DENND4A: variants seen among roughly 807,000 people sequenced by gnomAD.
The protein encoded by DENND4A is DENN domain containing 4A, also known as C-myc promoter-binding protein.
Under a neutral mutation model 199.3 loss-of-function variants are expected in DENND4A, and 70 were observed. The ratio of observed to expected loss-of-function variants is 0.35; its 90% CI spans 0.29 to 0.43. The LOEUF is 0.43. DENND4A is among the 20% of genes least tolerant of loss of function. The pLI is 1.00. For synonymous variants in DENND4A, 686 were observed against 766.9 expected (o/e 0.89, Z 1.74); for missense variants, 1,723 against 2,255.8 (o/e 0.76, Z 4.78).
intron 1 of DENND4A, among the ~76,000 whole-genome samples, chr15:65,785,318 T>G (rs1773682591): frequency 6.7e-6 from 1 of 148,306 alleles, no homozygotes; most frequent in Non-Finnish European, 1.5e-5. Flanking sequence ...AAACCTAGTC[T>G]CTACAAGAAA....
At chr15:65,741,497 AACCCAAGGC>A (rs1391463722) in intron 5 of DENND4A, among the ~76,000 whole-genome samples, 8 of 152,204 alleles carry the variant, frequency 5.3e-5, no homozygotes, top group Non-Finnish European at 1.0e-4. Context: ...TATTTATTTA[AACCCAAGGC>A]TTAAAATAAA....
chr15:65,736,354 G>A (rs2076117769), intron 7 of DENND4A, among the ~76,000 whole-genome samples: 2 of 151,916 alleles, frequency 1.3e-5, no homozygotes, highest in Non-Finnish European at 1.5e-5. Flanking sequence ...CGCCTCCCAG[G>A]TTTAAGCAAT....
chr15:65,768,827 T>C (rs1056731095), intron 1 of DENND4A, among the ~76,000 whole-genome samples: 10 of 151,048 alleles, frequency 6.6e-5, no homozygotes, highest in Non-Finnish European at 1.3e-4. Flanking sequence ...TACTAAAAAA[T>C]ACAAAAAAAA....
At chr15:65,677,604 G>GA (rs1217137136) in intron 23 of DENND4A, among the ~76,000 whole-genome samples, 1 of 151,998 alleles carries the variant, frequency 6.6e-6, no homozygotes, top group Non-Finnish European at 1.5e-5. Flanking sequence ...TCCTAAATGA[G>GA]AAAAAAATTT....
chr15:65,783,359 G>A (rs1465087492), intron 1 of DENND4A, among the ~76,000 whole-genome samples: 1 of 152,220 alleles, frequency 6.6e-6, no homozygotes, highest in Non-Finnish European at 1.5e-5. Flanking sequence ...ATAGATAGCA[G>A]AGTAAAGCCA....
chr15:65,666,521 C>G (rs1249031014), intron 29 of DENND4A, among the ~76,000 whole-genome samples: 1 of 152,120 alleles, frequency 6.6e-6, no homozygotes, highest in Non-Finnish European at 1.5e-5. Context: ...CTGGAAGTTT[C>G]CACTTAATAT....
intron 2 of DENND4A, among the ~76,000 whole-genome samples, chr15:65,759,383 C>T (rs1176336211): frequency 6.6e-6 from 1 of 151,954 alleles, no homozygotes; most frequent in Admixed American, 6.6e-5. Flanking sequence ...GAGGCTGAGG[C>T]AGGAGAATTG....
intron 27 of DENND4A, among the ~76,000 whole-genome samples, chr15:65,668,338 G>C (rs1243288569): frequency 8.6e-5 from 13 of 151,716 alleles, no homozygotes; most frequent in African/African-American, 3.1e-4. Context: ...CCTCCCGAGT[G>C]GCTGGGACTA....
chr15:65,787,711 T>C (rs2077602179), intron 1 of DENND4A, among the ~76,000 whole-genome samples: 1 of 152,172 alleles, frequency 6.6e-6, no homozygotes, highest in Non-Finnish European at 1.5e-5. Flanking sequence ...AAAAAGATAC[T>C]GCCTAAGGTG....
intron 3 of DENND4A, 33 bp downstream of exon 3, chr15:65,756,107 C>A: frequency 6.6e-7 from 1 of 1,526,004 alleles, no homozygotes; most frequent in South Asian, 1.3e-5. Flanking sequence ...TTATTTGGAT[C>A]AATAACAGTA....
chr15:65,724,226 C>T (rs997034844), intron 11 of DENND4A, among the ~76,000 whole-genome samples: 16 of 151,988 alleles, frequency 1.1e-4, no homozygotes, highest in African/African-American at 3.9e-4. Flanking sequence ...CTACAGCCTG[C>T]TAATTTTTAT....
At chr15:65,786,637 T>C (rs2077573082) in intron 1 of DENND4A, among the ~76,000 whole-genome samples, 1 of 152,160 alleles carries the variant, frequency 6.6e-6, no homozygotes, top group Non-Finnish European at 1.5e-5. Context: ...AACAATTCTA[T>C]GAAGTGGACA....
chr15:65,675,292 T>C (rs2076340036), intron 24 of DENND4A, among the ~76,000 whole-genome samples: 1 of 152,150 alleles, frequency 6.6e-6, no homozygotes, highest in Admixed American at 6.6e-5. Context: ...AAAAGTCTGC[T>C]GGCCCCAGAA....
chr15:65,776,957 C>T (rs1477580734), intron 1 of DENND4A, among the ~76,000 whole-genome samples: 2 of 152,068 alleles, frequency 1.3e-5, no homozygotes, highest in Admixed American at 6.6e-5. Context: ...CACTTGAGGC[C>T]AGGAGTTCGA....
chr15:65,778,977 T>G (rs951253972), intron 1 of DENND4A, among the ~76,000 whole-genome samples: 11 of 151,646 alleles, frequency 7.3e-5, no homozygotes, highest in Admixed American at 5.9e-4. Context: ...TAAAAAGGAT[T>G]TTAGGGCCCC....
intron 1 of DENND4A, among the ~76,000 whole-genome samples, chr15:65,783,716 G>T (rs979362086): frequency 6.6e-6 from 1 of 152,024 alleles, no homozygotes; most frequent in Non-Finnish European, 1.5e-5. Context: ...CCTGTTGGTA[G>T]AAAAATTTGA....
At chr15:65,684,771 G>A (rs1457286749) in intron 23 of DENND4A, among the ~76,000 whole-genome samples, 1 of 148,968 alleles carries the variant, frequency 6.7e-6, no homozygotes, top group African/African-American at 2.5e-5. Flanking sequence ...AAGAATTCTT[G>A]GCTTAATTCA....
intron 1 of DENND4A, among the ~76,000 whole-genome samples, chr15:65,776,510 T>A (rs1377488036): frequency 2.6e-5 from 4 of 152,234 alleles, no homozygotes; most frequent in East Asian, 1.9e-4. Flanking sequence ...ATAATTTTTT[T>A]AATCATTAAG....
At chr15:65,761,504 T>C (rs1364318062) in intron 1 of DENND4A, 66 bp from the exon 2 acceptor site, 1 of 152,234 alleles carries the variant, frequency 6.6e-6, no homozygotes, top group Non-Finnish European at 1.5e-5. Flanking sequence ...CCAATATGCC[T>C]GTGGATACTT....
Sources: gnomAD v4.1 joint callset for allele counts (sites outside exome capture counted in the v4.1 genomes callset) on GRCh38, gnomAD v4.1.1 for gene constraint, MANE v1.5 for transcripts, NCBI Gene and HGNC (gene_info 2026-07-23, HGNC 2026-07-21) for gene names.